Variants in BTN2A1 observed in about 807,000 individuals in gnomAD.
BTN2A1 encodes butyrophilin, subfamily 2, member A1.
In BTN2A1, 41 loss-of-function variants were observed where a neutral mutation model predicts 34.5. That is an observed-to-expected ratio of 1.19 (90% CI 0.93 to 1.54). The LOEUF is 1.54. Among genes scored for constraint, BTN2A1 ranks in the 40% most tolerant of loss-of-function variants. The pLI, the probability that BTN2A1 is intolerant of heterozygous loss-of-function variation, is 0.00. For missense variants in BTN2A1, 642 were observed against 662.0 expected, an observed-to-expected ratio of 0.97 and a Z score of 0.33; for synonymous variants, 267 against 258.6, an observed-to-expected ratio of 1.03 and a Z score of -0.31.
At chr6:26,458,837 T>C in intron 2 of BTN2A1, 119 bp downstream of exon 2, 1 of 1,318,442 alleles carries the variant, frequency 7.6e-7, no homozygotes, top group Non-Finnish European at 1.1e-6. Flanking sequence ...ATTCTGAACA[T>C]GTTCATTGAA....
chr6:26,458,375 C>G (rs1763065413), intron 1 of BTN2A1, among the ~76,000 whole-genome samples: 1 of 152,118 alleles, frequency 6.6e-6, no homozygotes, highest in Non-Finnish European at 1.5e-5. Flanking sequence ...GCATTCTGGC[C>G]AGAGAAGTGA....
downstream of BTN2A1, among the ~76,000 whole-genome samples, chr6:26,474,191 A>G (rs141842397): frequency 3.3e-5 from 5 of 152,352 alleles, no homozygotes; most frequent in African/African-American, 4.8e-5. Context: ...GCATGGGAGT[A>G]TACTTTTGTA....
downstream of BTN2A1, among the ~76,000 whole-genome samples, chr6:26,473,459 A>G (rs1028453662): frequency 1.3e-5 from 2 of 152,236 alleles, no homozygotes; most frequent in African/African-American, 4.8e-5. Context: ...AGAAAATTCT[A>G]TAATTCGGTA....
intron 7 of BTN2A1, 113 bp downstream of exon 7, chr6:26,466,201 A>G (rs1240687560): frequency 1.2e-5 from 18 of 1,524,162 alleles, no homozygotes; most frequent in Admixed American, 6.7e-5. Flanking sequence ...ACAGCAGGGA[A>G]CGGGGGTCAG....
At chr6:26,459,349 C>T in intron 2 of BTN2A1, 132 bp from the exon 3 acceptor site, 1 of 1,007,764 alleles carries the variant, frequency 9.9e-7, no homozygotes, top group Non-Finnish European at 1.4e-6. Context: ...TACTGGTCCC[C>T]AGATTTCTCA....
downstream of BTN2A1, among the ~76,000 whole-genome samples, chr6:26,471,456 G>A (rs140716242): frequency 7.7e-4 from 118 of 152,328 alleles, no homozygotes; most frequent in Middle Eastern, 3.4e-3. Flanking sequence ...GGCCGGGCAC[G>A]GTGGCTCACG....
chr6:26,471,039 GT>G (rs1269674165), downstream of BTN2A1, among the ~76,000 whole-genome samples: 2 of 152,184 alleles, frequency 1.3e-5, no homozygotes, highest in African/African-American at 4.8e-5. Context: ...AAATGATAGT[GT>G]TTTGGATTTT....
At chr6:26,471,280 A>T (rs983585896), downstream of BTN2A1, among the ~76,000 whole-genome samples, 3 of 152,234 alleles carry the variant, frequency 2.0e-5, no homozygotes, top group East Asian at 3.9e-4. Flanking sequence ...AACAACCAAA[A>T]TTTTTTTTCT....
In BTN2A1 at chr6:26,468,195, A is replaced by C; in HGVS notation, c.1230A>C (p.Lys410Asn). ...VGVCRDSVER[K>N]GEVLLIPQNG... Reference sequence around the variant, plus strand: ...TCTGTAGAGACAGTGTTGAGAGGAAAGGGGAGGTCCTGCTGATTCCTCAGA... The same window carrying C: ...TCTGTAGAGACAGTGTTGAGAGGAACGGGGAGGTCCTGCTGATTCCTCAGA... The change falls in exon 8 of 8, where the codon AAA becomes AAC. Residue 410 changes from lysine to asparagine, a missense_variant. By Grantham distance (94) the Lys-to-Asn change is moderately conservative. Transcript: ENST00000312541. The C allele has an allele frequency of 6.2e-7, 1 of 1,614,130 alleles. No individual in the cohort carries two copies. Among genetic ancestry groups the C allele is most frequent in the Middle Eastern group, 1.6e-4 (1 of 6,062 alleles).
At chr6:26,467,206 C>G (rs1763338497) in intron 7 of BTN2A1, among the ~76,000 whole-genome samples, 1 of 152,138 alleles carries the variant, frequency 6.6e-6, no homozygotes. Flanking sequence ...AGTTGATCCA[C>G]CGGGGAGAGG....
At chr6:26,472,653 G>A (rs912576170), downstream of BTN2A1, among the ~76,000 whole-genome samples, 5 of 152,094 alleles carry the variant, frequency 3.3e-5, no homozygotes, top group South Asian at 4.1e-4. Context: ...CCCAAGCCTC[G>A]CTTGGCTAAA....
chr6:26,458,795 G>A, intron 2 of BTN2A1, 77 bp downstream of exon 2: 1 of 1,548,778 alleles, frequency 6.5e-7, no homozygotes, highest in South Asian at 1.1e-5. Context: ...GGGAAAGAAA[G>A]AAGGACTGTG....
chr6:26,470,678 C>A (rs1763434126), downstream of BTN2A1, among the ~76,000 whole-genome samples: 1 of 152,084 alleles, frequency 6.6e-6, no homozygotes, highest in Non-Finnish European at 1.5e-5. Context: ...TTCTCTCTCT[C>A]TCTCTGTCTC....
At chr6:26,459,448 G>T in intron 2 of BTN2A1, 33 bp from the exon 3 acceptor site, 1 of 1,598,998 alleles carries the variant, frequency 6.3e-7, no homozygotes. Context: ...GATGGCTGGT[G>T]TCTTTGTCTG....
chr6:26,468,281 G>A lies in BTN2A1; in HGVS notation c.1316G>A (p.Arg439Lys). Residue 439 changes from arginine (R) to lysine (K), a missense_variant, in exon 8 of 8, where the codon AGG (arginine) becomes AAG (lysine). Physicochemically the swap from Arg to Lys is conservative, Grantham distance 26 (BLOSUM62 2). Coordinates refer to ENST00000312541, the MANE Select transcript of BTN2A1 (RefSeq NM_007049.5). ...GQYRAVSSPD[R>K]ILPLKESLCR... is the part of the protein sequence containing the mutation. ...TACCGGGCCGTGTCCTCCCCTGATA[G>A]GATTCTCCCTTTGAAGGAGTCCCTT... 1 of 1,614,186 alleles carries A rather than the reference G, an allele frequency of 6.2e-7. No individual in the cohort carries two copies.
intron 7 of BTN2A1, among the ~76,000 whole-genome samples, chr6:26,467,205 A>C (rs1210870338): frequency 6.6e-6 from 1 of 152,186 alleles, no homozygotes; most frequent in Non-Finnish European, 1.5e-5. Flanking sequence ...TAGTTGATCC[A>C]CCGGGGAGAG....
Position 26,463,230 on chromosome 6 carries a change from A to T in BTN2A1, c.431-14A>T, listed in dbSNP as rs772381185. 6.4e-7 allele frequency: 1 copy of T among 1,559,138 alleles called. No individual in the cohort carries two copies. Among genetic ancestry groups the T allele is most frequent in the Non-Finnish European group, 8.7e-7 (1 of 1,155,352 alleles). ...GGCACTGACTTTTGCCTGAACCCTG[A>T]TATCTCTCCACAGGACTAGGCTCTA... On this transcript the variant is annotated splice_polypyrimidine_tract_variant and intron_variant, in intron 3 of 7. Coordinates refer to ENST00000312541, the MANE Select transcript of BTN2A1 (RefSeq NM_007049.5).
intron 3 of BTN2A1, among the ~76,000 whole-genome samples, chr6:26,460,376 G>T (rs1581667439): frequency 6.6e-6 from 1 of 151,350 alleles, no homozygotes; most frequent in South Asian, 2.1e-4. Flanking sequence ...TTCCCAAAAT[G>T]CTGATTGCAG....
exon 8 of BTN2A1, chr6:26,476,269 G>T: frequency 8.1e-7 from 1 of 1,229,664 alleles, no homozygotes; most frequent in Non-Finnish European, 1.2e-6. Flanking sequence ...GGAAAGAACT[G>T]CTGAGCGGGT....
Sources: allele counts gnomAD v4.1 joint callset (sites outside exome capture counted in the v4.1 genomes callset), GRCh38; gene constraint gnomAD v4.1.1; transcripts MANE v1.5; gene names NCBI Gene and HGNC (gene_info 2026-07-23, HGNC 2026-07-21).